Variants in ATXN1 observed in about 807,000 individuals in gnomAD.
ATXN1 encodes ataxin-1.
ATXN1 carries 8 observed loss-of-function variants against 56.4 expected under a neutral mutation model. That is an observed-to-expected ratio of 0.14 (90% CI 0.08 to 0.26). The LOEUF (loss-of-function observed/expected upper bound fraction) is 0.26. Among genes scored for constraint, ATXN1 ranks in the 10% least tolerant of loss-of-function variants. ATXN1 has a pLI of 1.00. For synonymous variants in ATXN1, 514 were observed against 494.6 expected, an observed-to-expected ratio of 1.04 and a Z score of -0.52; for missense variants, 987 against 1,106.5, an observed-to-expected ratio of 0.89 and a Z score of 1.53.
At chr6:16,474,376 G>C (rs549686612) in intron 6 of ATXN1, among the ~76,000 whole-genome samples, 1 of 152,318 alleles carries the variant, frequency 6.6e-6, no homozygotes, top group East Asian at 1.9e-4. Flanking sequence ...TAGTCTACTG[G>C]AGGATGAGAG....
At chr6:16,430,314 G>GA (rs1759252166) in intron 6 of ATXN1, among the ~76,000 whole-genome samples, 1 of 145,576 alleles carries the variant, frequency 6.9e-6, no homozygotes, top group Non-Finnish European at 1.5e-5. Context: ...AAGAAGGCAG[G>GA]AAAGAGGGAA....
chr6:16,556,325 C>T (rs889277932), intron 4 of ATXN1, among the ~76,000 whole-genome samples: 4 of 152,264 alleles, frequency 2.6e-5, no homozygotes, highest in African/African-American at 7.2e-5. Flanking sequence ...CATTCTTCCA[C>T]CTTTCTTCCT....
chr6:16,675,938 C>T (rs1216288727), intron 2 of ATXN1, among the ~76,000 whole-genome samples: 1 of 151,936 alleles, frequency 6.6e-6, no homozygotes, highest in Non-Finnish European at 1.5e-5. Flanking sequence ...ATGCAAGACA[C>T]TGCCAAAGGA....
At chr6:16,519,994 G>C (rs766698244) in intron 5 of ATXN1, among the ~76,000 whole-genome samples, 8 of 152,216 alleles carry the variant, frequency 5.3e-5, no homozygotes, top group Non-Finnish European at 1.2e-4. Flanking sequence ...TCCTGCCCAG[G>C]ATACACTGGC....
In ATXN1 at chr6:16,300,396, GA is replaced by G. The variant is rs1760054735; in HGVS notation, c.*5932del. 6.6e-6 allele frequency: 1 copy of G among 152,618 alleles called. No homozygotes were observed. The highest frequency in any genetic ancestry group is 1.5e-5 in the Non-Finnish European group (1 of 68,038). The allele number at this position is 152,618 out of a possible 1,614,324, so 9.5% of individuals were successfully genotyped here. On this transcript the variant is annotated 3_prime_UTR_variant, in exon 8 of 8. Transcript: ENST00000436367. The stretch of plus-strand genomic sequence containing the variant: ...TTACACAGGAGAAAGTTAGCTACCA[GA>G]ACAGTTGCCTTCAACGAGAAGGGAG...
At chr6:16,755,718 T>TAA (rs368926707) in intron 1 of ATXN1, among the ~76,000 whole-genome samples, 6 of 134,914 alleles carry the variant, frequency 4.4e-5, no homozygotes, top group Admixed American at 1.5e-4. Flanking sequence ...CACCTAAGTG[T>TAA]AAAAAAAAAA....
chr6:16,760,356 C>T lies in ATXN1; in HGVS notation c.-730+942G>A, dbSNP rs1310153391. Among the ~76,000 whole-genome samples the T allele has an allele frequency of 6.6e-6, 1 of 151,912 alleles. No homozygotes were observed. The highest frequency in any genetic ancestry group is 1.5e-5 in the Non-Finnish European group (1 of 67,930). On this transcript the variant is annotated intron_variant, in intron 1 of 7. Transcript: ENST00000436367. This position sits in a 1 kb window ranked among gnomAD's most constrained non-coding sequence, Gnocchi z 5.3. ...CCTGCCGCGGCTCCTCGTCTCCTGC[C>T]GCGGGTGCTGGCGGGGGCGCCGGCC... is the stretch of plus-strand genomic sequence containing the variant.
intron 2 of ATXN1, among the ~76,000 whole-genome samples, chr6:16,694,900 T>C (rs554436861): frequency 6.6e-6 from 1 of 152,238 alleles, no homozygotes; most frequent in Non-Finnish European, 1.5e-5. Flanking sequence ...CTCCTGTTCT[T>C]AGTTCTTGGT....
At position 16,327,540 on chromosome 6, in the gene ATXN1, G is replaced by T; in HGVS notation, c.771C>A (p.Thr257=). ...YVHISSSPQN[T]GRTASPPAIP... Reference sequence around the variant, plus strand: ...TGGCCGGAGGAGAGGCGGTGCGGCCGGTGTTCTGCGGAGAACTGGAAATGT... The same window carrying T: ...TGGCCGGAGGAGAGGCGGTGCGGCCTGTGTTCTGCGGAGAACTGGAAATGT... Residue 257 remains threonine, a synonymous_variant, in exon 7 of 8, where the codon ACC becomes ACA. Coordinates refer to ENST00000436367, the MANE Select transcript of ATXN1 (RefSeq NM_001128164.2). 1.2e-6 allele frequency: 2 copies of T among 1,608,696 alleles called. No individual in the cohort carries two copies. Among genetic ancestry groups the T allele is most frequent in the Non-Finnish European group, 8.5e-7 (1 of 1,177,998 alleles).
intron 4 of ATXN1, among the ~76,000 whole-genome samples, chr6:16,562,541 A>T (rs1479929912): frequency 6.6e-6 from 1 of 151,198 alleles, no homozygotes; most frequent in African/African-American, 2.5e-5. Flanking sequence ...GAAAAAGAAA[A>T]GAAAAGAAAT....
chr6:16,721,150 TACTC>T (rs764798319), intron 2 of ATXN1, among the ~76,000 whole-genome samples: 13 of 152,228 alleles, frequency 8.5e-5, no homozygotes, highest in Non-Finnish European at 1.6e-4. Flanking sequence ...TTTACTCAAT[TACTC>T]ACACATTTCC....
chr6:16,455,620 G>A (rs917414948), intron 6 of ATXN1, among the ~76,000 whole-genome samples: 1 of 152,182 alleles, frequency 6.6e-6, no homozygotes, highest in African/African-American at 2.4e-5. Flanking sequence ...GCACTCAAAT[G>A]TTTATAGCAG....
At chr6:16,706,226 T>C (rs930435871) in intron 2 of ATXN1, among the ~76,000 whole-genome samples, 1 of 152,126 alleles carries the variant, frequency 6.6e-6, no homozygotes, top group Non-Finnish European at 1.5e-5. Flanking sequence ...GTATGAAACA[T>C]ACCCTACCAT....
At chr6:16,390,296 C>T (rs1758325771) in intron 6 of ATXN1, among the ~76,000 whole-genome samples, 1 of 152,166 alleles carries the variant, frequency 6.6e-6, no homozygotes, top group South Asian at 2.1e-4. Context: ...TTTTCAGTAT[C>T]TGTTGTCCTA....
chr6:16,701,857 A>T (rs572021434), intron 2 of ATXN1, among the ~76,000 whole-genome samples: 2 of 152,362 alleles, frequency 1.3e-5, no homozygotes, highest in Admixed American at 6.5e-5. Flanking sequence ...ATGGAAGAAC[A>T]TTCCATGCTC....
At chr6:16,634,390 T>A (rs543368331) in intron 3 of ATXN1, among the ~76,000 whole-genome samples, 1 of 152,214 alleles carries the variant, frequency 6.6e-6, no homozygotes, top group African/African-American at 2.4e-5. Context: ...CCTCATAGGG[T>A]TGTTTCTGAG....
At chr6:16,710,479 T>C (rs1458483029) in intron 2 of ATXN1, among the ~76,000 whole-genome samples, 1 of 152,166 alleles carries the variant, frequency 6.6e-6, no homozygotes, top group Non-Finnish European at 1.5e-5. Context: ...ACCACCAAAA[T>C]AATCTTGAGG....
intron 2 of ATXN1, chr6:16,667,154 A>G (rs1165888954): frequency 6.6e-6 from 1 of 152,194 alleles, no homozygotes; most frequent in African/African-American, 2.4e-5. Flanking sequence ...TCTAATAAAT[A>G]AAGAAATGGA....
chr6:16,694,639 A>G (rs1759122834), intron 2 of ATXN1, among the ~76,000 whole-genome samples: 1 of 152,246 alleles, frequency 6.6e-6, no homozygotes, highest in African/African-American at 2.4e-5. Flanking sequence ...ACTGGGAAAC[A>G]CACGTCAGCC....
Sources: allele counts gnomAD v4.1 joint callset (sites outside exome capture counted in the v4.1 genomes callset), GRCh38; gene constraint gnomAD v4.1.1; non-coding constraint Gnocchi (gnomAD v3.1); transcripts MANE v1.5; gene names NCBI Gene and HGNC (gene_info 2026-07-23, HGNC 2026-07-21).